The following ZFHX3 variants were observed in gnomAD, a reference collection of about 807,000 sequenced individuals.
The protein encoded by ZFHX3 is zinc finger homeobox 3.
Under a neutral mutation model 279.1 loss-of-function variants are expected in ZFHX3, and 42 were observed. That is an observed-to-expected ratio of 0.15 (90% confidence interval 0.12 to 0.19). The LOEUF is 0.19. Among genes scored for constraint, ZFHX3 ranks in the 10% least tolerant of loss-of-function variants. The pLI, the probability that ZFHX3 is intolerant of heterozygous loss-of-function variation, is 1.00. For missense variants in ZFHX3, 4,981 were observed against 4,754.0 expected (o/e 1.05, Z -1.40); for synonymous variants, 2,293 against 1,957.8 (o/e 1.17, Z -4.52).
intron 1 of ZFHX3, among the ~76,000 whole-genome samples, chr16:73,818,662 A>C (rs1960649533): frequency 6.6e-6 from 1 of 152,220 alleles, no homozygotes; most frequent in African/African-American, 2.4e-5. Context: ...AATGAAGGAC[A>C]ATTAACAAAA....
At chr16:73,624,920 T>A (rs1459824340) in intron 2 of ZFHX3, among the ~76,000 whole-genome samples, 2 of 152,348 alleles carry the variant, frequency 1.3e-5, no homozygotes. Context: ...TGTGCTATAG[T>A]AATGAACGCT....
rs778179203 is a variant in ZFHX3, at chr16:72,788,234, G to C, written c.10042C>G (p.Leu3348Val). Residue 3348 changes from leucine (L) to valine (V), a missense_variant, in exon 10 of 10, where the codon CTG (leucine) becomes GTG (valine). Physicochemically the swap from Leu to Val is conservative, Grantham distance 32 (BLOSUM62 1). Around this residue, in one of 7 missense-constraint regions of ZFHX3, gnomAD observed 1,034 missense variants for 786.0 expected, o/e 1.32. Coordinates refer to ENST00000268489, the MANE Select transcript of ZFHX3 (RefSeq NM_006885.4). ...GACAGCCCCATCAGGGCCTGCGACA[G>C]TGCAGGGCTGTAGGGGAACAGGCCT... is the stretch of plus-strand genomic sequence containing the variant. ...MEGLFPYSPA[L>V]SQALMGLSPG... The C allele has an allele frequency of 1.2e-6, 2 of 1,614,124 alleles. No homozygotes were observed. Among genetic ancestry groups the C allele is most frequent in the Non-Finnish European group, 1.7e-6 (2 of 1,180,008 alleles).
intron 3 of ZFHX3, among the ~76,000 whole-genome samples, chr16:72,926,568 T>G (rs539321718): frequency 1.3e-5 from 2 of 152,240 alleles, no homozygotes. Flanking sequence ...CTTTTCGGAG[T>G]ATGGATACTA....
chr16:73,464,338 G>A (rs572219294), intron 2 of ZFHX3, among the ~76,000 whole-genome samples: 6 of 151,964 alleles, frequency 3.9e-5, no homozygotes, highest in East Asian at 1.9e-4. Context: ...ATTACAGTCC[G>A]GCTCTTCTGG....
At chr16:73,168,280 G>T (rs932884239) in intron 5 of ZFHX3, among the ~76,000 whole-genome samples, 27 of 22,264 alleles carry the variant, frequency 1.2e-3, no homozygotes, top group Admixed American at 2.4e-3. Flanking sequence ...TCTTTCTTTC[G>T]AGACAAAGTC....
chr16:73,820,047 T>C (rs1242814863), intron 1 of ZFHX3, among the ~76,000 whole-genome samples: 6 of 152,170 alleles, frequency 3.9e-5, no homozygotes, highest in Non-Finnish European at 8.8e-5. Context: ...TGGCCATGTC[T>C]GACAAATGCA....
chr16:73,880,151 G>A (rs1249714723), intron 1 of ZFHX3, among the ~76,000 whole-genome samples: 3 of 152,030 alleles, frequency 2.0e-5, no homozygotes, highest in African/African-American at 7.2e-5. Flanking sequence ...GTTCTCCGGA[G>A]GAAACAAAAG....
At chr16:73,840,806 G>A (rs1032280909) in intron 1 of ZFHX3, among the ~76,000 whole-genome samples, 1 of 152,186 alleles carries the variant, frequency 6.6e-6, no homozygotes, top group African/African-American at 2.4e-5. Flanking sequence ...ATAGTCGACT[G>A]ATGAGATTTC....
At chr16:73,491,180 G>A (rs1007382512) in intron 2 of ZFHX3, among the ~76,000 whole-genome samples, 3 of 152,176 alleles carry the variant, frequency 2.0e-5, no homozygotes, top group Non-Finnish European at 4.4e-5. Context: ...CACAAAAGCT[G>A]ACATGACTTA....
chr16:73,160,005 C>T (rs906581783), intron 5 of ZFHX3, among the ~76,000 whole-genome samples: 8 of 152,114 alleles, frequency 5.3e-5, no homozygotes, highest in Non-Finnish European at 1.0e-4. Context: ...TCAAGTGGTC[C>T]GCCTGTCTTG....
chr16:73,508,356 A>AAAGAGGAGGAGG (rs1343202802), intron 2 of ZFHX3, among the ~76,000 whole-genome samples: 1 of 152,094 alleles, frequency 6.6e-6, no homozygotes, highest in Non-Finnish European at 1.5e-5. Flanking sequence ...GAAGGAGGAG[A>AAAGAGGAGGAGG]AAGAGGAGGA....
At chr16:73,517,268 C>T (rs2019539311) in intron 2 of ZFHX3, among the ~76,000 whole-genome samples, 1 of 152,184 alleles carries the variant, frequency 6.6e-6, no homozygotes, top group Non-Finnish European at 1.5e-5. Flanking sequence ...GGGATCTCTG[C>T]ATTTTTCTAC....
intron 5 of ZFHX3, among the ~76,000 whole-genome samples, chr16:73,192,446 G>A (rs1968062501): frequency 1.3e-5 from 2 of 152,190 alleles, no homozygotes. Flanking sequence ...TCCGGTGCCA[G>A]CGGCCCTGGT....
intron 1 of ZFHX3, among the ~76,000 whole-genome samples, chr16:73,818,712 T>C (rs980635326): frequency 6.6e-6 from 1 of 152,250 alleles, no homozygotes; most frequent in South Asian, 2.1e-4. Context: ...TGCATTGTGC[T>C]GGAAAGTGTC....
At chr16:73,416,652 C>A (rs566343539) in intron 3 of ZFHX3, among the ~76,000 whole-genome samples, 4 of 151,896 alleles carry the variant, frequency 2.6e-5, no homozygotes, top group Non-Finnish European at 5.9e-5. Context: ...GGCGGGTGGA[C>A]CACGAGGTCA....
At chr16:73,602,062 G>T (rs1251658439) in intron 2 of ZFHX3, among the ~76,000 whole-genome samples, 1 of 152,108 alleles carries the variant, frequency 6.6e-6, no homozygotes, top group Non-Finnish European at 1.5e-5. Context: ...AACCTGAGAA[G>T]CTGAGGCTTC....
intron 5 of ZFHX3, among the ~76,000 whole-genome samples, chr16:72,813,607 C>T (rs1297854428): frequency 6.6e-6 from 1 of 152,166 alleles, no homozygotes; most frequent in East Asian, 1.9e-4. Flanking sequence ...TTAAAAAGTA[C>T]AAGGACGAGC....
intron 5 of ZFHX3, among the ~76,000 whole-genome samples, chr16:72,816,590 C>T (rs748182637): frequency 7.2e-5 from 11 of 152,126 alleles, no homozygotes; most frequent in South Asian, 2.1e-4. Flanking sequence ...CTACCCAACG[C>T]GTGCTGATGA....
intron 3 of ZFHX3, among the ~76,000 whole-genome samples, chr16:73,381,631 A>G (rs2016819602): frequency 6.6e-6 from 1 of 152,354 alleles, no homozygotes; most frequent in South Asian, 2.1e-4. Flanking sequence ...AGCTTTTTCT[A>G]TAAGGAGCCA....
Sources: allele counts gnomAD v4.1 joint callset (sites outside exome capture counted in the v4.1 genomes callset), GRCh38; gene constraint gnomAD v4.1.1; regional missense constraint gnomAD v4.1.1; transcripts MANE v1.5; gene names NCBI Gene and HGNC (gene_info 2026-07-23, HGNC 2026-07-21).